The following PRKAG2 variants were observed in gnomAD, a reference collection of about 807,000 sequenced individuals.
PRKAG2 encodes 5'-AMP-activated protein kinase subunit gamma-2.
A neutral mutation model predicts 69.6 loss-of-function variants in PRKAG2; 26 were observed. The observed-to-expected ratio is 0.37, with a 90% CI of 0.27 to 0.52. The LOEUF is 0.52. Ranked by LOEUF, PRKAG2 falls within the 20% of genes least tolerant of loss-of-function variation. The probability of loss-of-function intolerance (pLI) is 0.90; values close to 1 mark genes in which losing one functional copy is unlikely to be tolerated. For missense variants in PRKAG2, 557 were observed against 740.0 expected (o/e 0.75, Z 2.87); for synonymous variants, 293 against 285.0 (o/e 1.03, Z -0.28).
chr7:151,766,396 T>C (rs1384043252), intron 3 of PRKAG2, among the ~76,000 whole-genome samples: 8 of 152,032 alleles, frequency 5.3e-5, no homozygotes, highest in Admixed American at 3.9e-4. Context: ...AGGTGGGAGG[T>C]TGGTGGGAAG....
Position 151,857,668 on chromosome 7 carries a change from C to T in PRKAG2, c.114+18839G>A, listed in dbSNP as rs1039112822. On this transcript the variant is annotated intron_variant, in intron 1 of 15. Transcript: ENST00000287878. Reference sequence around the variant, plus strand: ...TGGGGACAATAGCAGCACCAGCACACAGCTGTGTGGGGATGAAGTCAGCTG... The same window carrying T: ...TGGGGACAATAGCAGCACCAGCACATAGCTGTGTGGGGATGAAGTCAGCTG... 3.9e-5 allele frequency among the ~76,000 whole-genome samples: 6 copies of T among 152,366 alleles called. No homozygotes were observed. The South Asian group carries it at 1.2e-3, about 32-fold the overall frequency.
intron 9 of PRKAG2, 38 bp downstream of exon 9, chr7:151,572,626 C>T (rs750610599): frequency 2.0e-6 from 3 of 1,477,762 alleles, no homozygotes; most frequent in Non-Finnish European, 2.8e-6. Context: ...CATAGCTTTC[C>T]CGATACTAAA....
At chr7:151,652,784 C>T (rs954200233) in intron 4 of PRKAG2, among the ~76,000 whole-genome samples, 1 of 152,078 alleles carries the variant, frequency 6.6e-6, no homozygotes, top group Non-Finnish European at 1.5e-5. Context: ...AGCCACCACA[C>T]CTGGCTAATT....
intron 1 of PRKAG2, among the ~76,000 whole-genome samples, chr7:151,815,676 C>G (rs916262689): frequency 6.6e-6 from 1 of 152,224 alleles, no homozygotes; most frequent in African/African-American, 2.4e-5. Context: ...TTCCTTCCTT[C>G]GTGACACTCA....
chr7:151,619,693 T>C (rs1186091718), intron 5 of PRKAG2, among the ~76,000 whole-genome samples: 1 of 152,216 alleles, frequency 6.6e-6, no homozygotes, highest in Non-Finnish European at 1.5e-5. Context: ...TATCTCATTA[T>C]GTATATGCAA....
chr7:151,809,126 C>G, intron 1 of PRKAG2: 2 of 417,028 alleles, frequency 4.8e-6, no homozygotes, highest in Non-Finnish European at 9.7e-6. Context: ...CTGCAGCTGG[C>G]TCCCAGCCAG....
chr7:151,619,699 T>C (rs1487796584), intron 5 of PRKAG2, among the ~76,000 whole-genome samples: 1 of 152,210 alleles, frequency 6.6e-6, no homozygotes, highest in Non-Finnish European at 1.5e-5. Flanking sequence ...ATTATGTATA[T>C]GCAAATATTC....
intron 1 of PRKAG2, among the ~76,000 whole-genome samples, chr7:151,833,680 G>C (rs535886387): frequency 6.2e-4 from 94 of 152,318 alleles, no homozygotes; most frequent in African/African-American, 2.3e-3. Context: ...AGGGGTGGGG[G>C]ATAGTTTGGA....
At chr7:151,741,923 CATA>C (rs1442138304) in intron 3 of PRKAG2, among the ~76,000 whole-genome samples, 1 of 152,176 alleles carries the variant, frequency 6.6e-6, no homozygotes, top group Non-Finnish European at 1.5e-5. Context: ...TTATTTGTAA[CATA>C]ATAACATTTA....
At chr7:151,842,616 T>C (rs2079333898) in intron 1 of PRKAG2, among the ~76,000 whole-genome samples, 1 of 118,402 alleles carries the variant, frequency 8.4e-6, no homozygotes, top group African/African-American at 3.6e-5. Flanking sequence ...TGATGGTAGG[T>C]AGTGATGATG....
At chr7:151,680,975 G>A (rs1030593512) in intron 3 of PRKAG2, among the ~76,000 whole-genome samples, 2 of 152,226 alleles carry the variant, frequency 1.3e-5, no homozygotes, top group African/African-American at 4.8e-5. Context: ...CTCCTTGCTA[G>A]TTCTTTGGGT....
At chr7:151,857,894 A>G (rs2079825475) in intron 1 of PRKAG2, among the ~76,000 whole-genome samples, 1 of 152,230 alleles carries the variant, frequency 6.6e-6, no homozygotes, top group Non-Finnish European at 1.5e-5. Flanking sequence ...ACTAGGAAGG[A>G]ATGGGGCATA....
At chr7:151,770,526 C>T (rs2075971302) in intron 3 of PRKAG2, among the ~76,000 whole-genome samples, 1 of 152,230 alleles carries the variant, frequency 6.6e-6, no homozygotes, top group Non-Finnish European at 1.5e-5. Flanking sequence ...GACTATGCTT[C>T]CCAGCCTGTC....
chr7:151,764,475 A>G (rs1408104928), intron 3 of PRKAG2, among the ~76,000 whole-genome samples: 1 of 152,190 alleles, frequency 6.6e-6, no homozygotes. Context: ...CTGAGGGCCT[A>G]GGGACCTGCT....
chr7:151,748,364 G>A (rs1434847724), intron 3 of PRKAG2, among the ~76,000 whole-genome samples: 1 of 152,064 alleles, frequency 6.6e-6, no homozygotes, highest in Non-Finnish European at 1.5e-5. Flanking sequence ...AGTCAGAAAG[G>A]CATTTTAGGG....
intron 6 of PRKAG2, among the ~76,000 whole-genome samples, chr7:151,589,477 G>A (rs1052118532): frequency 6.6e-6 from 1 of 152,248 alleles, no homozygotes; most frequent in African/African-American, 2.4e-5. Flanking sequence ...TGATGCTGAA[G>A]CTGCTAGTCT....
intron 1 of PRKAG2, among the ~76,000 whole-genome samples, chr7:151,800,169 A>G (rs2077759087): frequency 6.6e-6 from 1 of 151,940 alleles, no homozygotes; most frequent in South Asian, 2.1e-4. Flanking sequence ...CATCCTGGCT[A>G]ACATGGTGAA....
At chr7:151,615,136 T>G (rs568836973) in intron 5 of PRKAG2, among the ~76,000 whole-genome samples, 80 of 152,360 alleles carry the variant, frequency 5.3e-4, no homozygotes, top group African/African-American at 1.6e-3. Flanking sequence ...GGAGCTGTTT[T>G]TTGTTCCTGC....
At chr7:151,703,681 G>C (rs1326185400) in intron 3 of PRKAG2, among the ~76,000 whole-genome samples, 1 of 152,032 alleles carries the variant, frequency 6.6e-6, no homozygotes, top group Non-Finnish European at 1.5e-5. Context: ...TGCCTCCTCA[G>C]ATAATCATCA....
Sources: gnomAD v4.1 joint callset for allele counts (sites outside exome capture counted in the v4.1 genomes callset) on GRCh38, gnomAD v4.1.1 for gene constraint, MANE v1.5 for transcripts, NCBI Gene and HGNC (gene_info 2026-07-23, HGNC 2026-07-21) for gene names.